ZNF451: variants seen among roughly 807,000 people sequenced by gnomAD.
The protein encoded by ZNF451 is zinc finger protein 451.
Under a neutral mutation model 107.1 loss-of-function variants are expected in ZNF451, and 80 were observed. The ratio of observed to expected loss-of-function variants is 0.75; its 90% CI spans 0.62 to 0.90. ZNF451 has a LOEUF of 0.90. ZNF451 is among the 40% of genes least tolerant of loss of function. The probability of loss-of-function intolerance (pLI) is 0.00; values close to 1 mark genes in which losing one functional copy is unlikely to be tolerated. For synonymous variants in ZNF451, 362 were observed against 406.5 expected (o/e 0.89, Z 1.32); for missense variants, 1,107 against 1,236.2 (o/e 0.90, Z 1.57).
chr6:57,166,338 T>A (rs866831049), intron 14 of ZNF451, among the ~76,000 whole-genome samples: 6 of 152,200 alleles, frequency 3.9e-5, no homozygotes, highest in Admixed American at 6.5e-5. Context: ...ATACTACATT[T>A]AAAAAAATTT....
At chr6:57,135,636 A>C (rs1237589510) in intron 7 of ZNF451, among the ~76,000 whole-genome samples, 1 of 152,148 alleles carries the variant, frequency 6.6e-6, no homozygotes, top group Non-Finnish European at 1.5e-5. Flanking sequence ...TAAAAGCTTA[A>C]ATATTCATCG....
In ZNF451 at chr6:57,153,949, T is replaced by C; in HGVS notation, c.2972T>C (p.Phe991Ser). The change falls in exon 13 of 15, where the codon TTT becomes TCT. Residue 991 changes from phenylalanine (F) to serine (S), a missense_variant. This residue lies in a region of ZNF451 where 151 missense variants were observed against 173.3 expected (regional missense o/e 0.87). Transcript: ENST00000370706. ...DQGFLELENQ[F>S]KKTQRPAHIL... ...GGTTTTCTGGAGCTAGAGAATCAATTTAAGAAGACTCAGAGGCCAGCTCAT... is the reference window on the plus strand; with the variant it reads ...GGTTTTCTGGAGCTAGAGAATCAATCTAAGAAGACTCAGAGGCCAGCTCAT... 2 of 1,614,184 alleles carry C rather than the reference T, an allele frequency of 1.2e-6. No homozygotes were observed. Among genetic ancestry groups the C allele is most frequent in the Non-Finnish European group, 1.7e-6 (2 of 1,180,026 alleles).
intron 3 of ZNF451, among the ~76,000 whole-genome samples, chr6:57,114,731 T>C (rs1830281849): frequency 6.6e-6 from 1 of 152,210 alleles, no homozygotes; most frequent in Non-Finnish European, 1.5e-5. Context: ...AAGTCCATTA[T>C]GTTCCCAAAC....
intron 5 of ZNF451, among the ~76,000 whole-genome samples, chr6:57,130,409 G>A (rs1471992397): frequency 6.6e-6 from 1 of 152,150 alleles, no homozygotes; most frequent in Admixed American, 6.6e-5. Context: ...GCTCAGTGGT[G>A]TCATCTTTGC....
chr6:57,109,546 A>G, intron 3 of ZNF451: 2 of 985,394 alleles, frequency 2.0e-6, no homozygotes, highest in Non-Finnish European at 2.4e-6. Flanking sequence ...TTCATATTGG[A>G]TATGGTATTC....
chr6:57,111,328 G>C (rs1830100985), intron 3 of ZNF451, among the ~76,000 whole-genome samples: 2 of 146,246 alleles, frequency 1.4e-5, no homozygotes, highest in South Asian at 4.3e-4. Context: ...ACTCCCTTTT[G>C]CTTTGTCACA....
chr6:57,099,627 T>G lies in ZNF451; in HGVS notation c.186+486T>G. 4.5e-6 allele frequency: 3 copies of G among 659,656 alleles called. No homozygotes were observed. In the South Asian group the frequency reaches 5.1e-5, roughly 11 times the overall value. The allele number at this position is 659,656 out of a possible 1,614,324, so 40.9% of individuals were successfully genotyped here. A position where few individuals can be genotyped will look rare whatever the true frequency, so the allele number is the denominator to read the frequency against. On this transcript the variant is annotated intron_variant, in intron 3 of 14. Coordinates refer to ENST00000370706, the MANE Select transcript of ZNF451 (RefSeq NM_001031623.3). ...ACTTCAGTCATCATCCCTTTAACCTTGTCTGTGCCCCACATATTTGGAGTT... is the reference window on the plus strand; with the variant it reads ...ACTTCAGTCATCATCCCTTTAACCTGGTCTGTGCCCCACATATTTGGAGTT...
intron 3 of ZNF451, among the ~76,000 whole-genome samples, chr6:57,110,126 G>A (rs755514152): frequency 6.6e-6 from 1 of 152,208 alleles, no homozygotes; most frequent in African/African-American, 2.4e-5. Flanking sequence ...TAGTTGGCCT[G>A]GTGGAGAAAC....
At chr6:57,151,945 C>A in intron 11 of ZNF451, 1 of 309,724 alleles carries the variant, frequency 3.2e-6, no homozygotes, top group Non-Finnish European at 6.0e-6. Context: ...TAGAATAATG[C>A]CATTCAAAGA....
intron 14 of ZNF451, 101 bp downstream of exon 14, chr6:57,161,253 C>G: frequency 1.7e-6 from 1 of 603,664 alleles, no homozygotes. Flanking sequence ...TTCCCTTCTA[C>G]CCCCAAGTTA....
intron 9 of ZNF451, among the ~76,000 whole-genome samples, chr6:57,144,522 T>C (rs1039084052): frequency 6.6e-6 from 1 of 152,104 alleles, no homozygotes; most frequent in African/African-American, 2.4e-5. Context: ...ATTACAGGCA[T>C]GTGCCACCGC....
Position 57,154,054 on chromosome 6 carries a change from A to G in ZNF451, c.3070+7A>G. The G allele has an allele frequency of 6.2e-7, 1 of 1,614,002 alleles. No individual in the cohort carries two copies. Among genetic ancestry groups the G allele is most frequent in the Non-Finnish European group, 8.5e-7 (1 of 1,180,034 alleles). ...ATATCTGATACCACCAAAGGTACGC[A>G]GCTGCAGTCACAGTGCAAACCACCC... On this transcript the variant is annotated splice_region_variant and intron_variant, in intron 13 of 14. Coordinates refer to ENST00000370706, the MANE Select transcript of ZNF451 (RefSeq NM_001031623.3).
At chr6:57,109,780 TGAG>T (rs1830029352) in intron 3 of ZNF451, 1 of 862,696 alleles carries the variant, frequency 1.2e-6, no homozygotes, top group Middle Eastern at 5.9e-4. Flanking sequence ...GAATGTAGAA[TGAG>T]GAGTTAGAGT....
chr6:57,163,391 T>C (rs190355060), intron 14 of ZNF451, among the ~76,000 whole-genome samples: 157 of 146,722 alleles, frequency 1.1e-3, no homozygotes, highest in African/African-American at 3.8e-3. Flanking sequence ...CAGCAGCACC[T>C]AGCACAGTGT....
chr6:57,146,875 CT>C (rs1832090659), intron 9 of ZNF451, among the ~76,000 whole-genome samples: 1 of 151,916 alleles, frequency 6.6e-6, no homozygotes, highest in African/African-American at 2.4e-5. Flanking sequence ...TAGTTTTAGC[CT>C]TTTGTATTTT....
chr6:57,093,030 A>C (rs1562583301), intron 2 of ZNF451: 1 of 152,250 alleles, frequency 6.6e-6, no homozygotes, highest in Non-Finnish European at 1.5e-5. Flanking sequence ...GAATGCTGCC[A>C]TAACAAAAAC....
At chr6:57,133,214 G>A (rs770651077) in intron 6 of ZNF451, 22 bp downstream of exon 6, 2 of 1,603,010 alleles carry the variant, frequency 1.2e-6, no homozygotes, top group Non-Finnish European at 1.7e-6. Context: ...ATTCATAATA[G>A]TGAATGCTGA....
intron 8 of ZNF451, 71 bp from the exon 9 acceptor site, chr6:57,141,877 C>A: frequency 7.3e-7 from 1 of 1,361,308 alleles, no homozygotes; most frequent in Non-Finnish European, 1.0e-6. Flanking sequence ...TTGAGAAGGG[C>A]TGAGGGGAGG....
rs1593161639 is a variant in ZNF451 at position 57,150,416 on chromosome 6, T to C, written c.2609-303T>C. On this transcript the variant is annotated intron_variant, in intron 10 of 14. Transcript: ENST00000370706. ...TGGTTTTCTAGTTCTTCTAGTACATTAATTTTTTAAAAAAATTCCTTGTAT... is the reference window on the plus strand; with the variant it reads ...TGGTTTTCTAGTTCTTCTAGTACATCAATTTTTTAAAAAAATTCCTTGTAT... 3 of 213,534 alleles carry C rather than the reference T, an allele frequency of 1.4e-5. No homozygotes were observed. The East Asian group carries it at 3.2e-4, about 23-fold the overall frequency. The allele number at this position is 213,534 out of a possible 1,614,324, so 13.2% of individuals were successfully genotyped here.
Sources: allele counts gnomAD v4.1 joint callset (sites outside exome capture counted in the v4.1 genomes callset), GRCh38; gene constraint gnomAD v4.1.1; regional missense constraint gnomAD v4.1.1; transcripts MANE v1.5; gene names NCBI Gene and HGNC (gene_info 2026-07-23, HGNC 2026-07-21).